The following GMIP variants were observed in gnomAD, a reference collection of about 807,000 sequenced individuals.
The protein encoded by GMIP is GEM interacting protein, also known as GEM-interacting protein.
GMIP carries 54 observed loss-of-function variants against 105.3 expected under a neutral mutation model. The observed-to-expected ratio is 0.51, with a 90% CI of 0.41 to 0.64. The LOEUF (loss-of-function observed/expected upper bound fraction) is 0.64, where lower values mean the gene tolerates loss of function less well. Among genes scored for constraint, GMIP ranks in the 30% least tolerant of loss-of-function variants. The pLI is 0.00. For missense variants in GMIP, 1,110 were observed against 1,319.4 expected, an observed-to-expected ratio of 0.84 and a Z score of 2.46; for synonymous variants, 541 against 560.8, an observed-to-expected ratio of 0.96 and a Z score of 0.50.
chr19:19,642,863 G>A (rs1256009813), intron 1 of GMIP, among the ~76,000 whole-genome samples: 2 of 152,040 alleles, frequency 1.3e-5, no homozygotes, highest in Non-Finnish European at 2.9e-5. Flanking sequence ...GCACCCAGAA[G>A]CAAACCAACA....
At position 19,638,429 on chromosome 19, in the gene GMIP, C is replaced by G; in HGVS notation, c.591G>C (p.Glu197Asp). ...EIEKWRKEFK[E>D]QWMKEQKRMN... ...TCCGCTTCTGCTCCTTCATCCACTG[C>G]TCCTTGAACTCCTTCCGCCACTTCT... The change falls in exon 8 of 21, where the codon GAG (glutamate) becomes GAC (aspartate). Residue 197 changes from glutamate to aspartate, a missense_variant. This residue lies in a region of GMIP where 667 missense variants were observed against 773.2 expected (regional missense o/e 0.86). Coordinates refer to ENST00000203556, the MANE Select transcript of GMIP (RefSeq NM_016573.4). 3 of 1,614,178 alleles carry G rather than the reference C, an allele frequency of 1.9e-6. No homozygotes were observed. Among genetic ancestry groups the G allele is most frequent in the Admixed American group, 1.7e-5 (1 of 60,024 alleles).
At position 19,640,524 on chromosome 19, in the gene GMIP, C is replaced by T. The variant is rs533197570; in HGVS notation, c.286G>A (p.Ala96Thr). 49 of 1,613,848 alleles carry T rather than the reference C, an allele frequency of 3.0e-5. No homozygotes were observed. Among genetic ancestry groups the T allele is most frequent in the South Asian group, 4.4e-5 (4 of 91,072 alleles). ...RLIRTKGGVD[A>T]ALEYAKTWSR... ...CAGGTCTTGGCATATTCCAGGGCTGCGTCCACACCCCCCTTTGTCCGAATG... is the reference window on the plus strand; with the variant it reads ...CAGGTCTTGGCATATTCCAGGGCTGTGTCCACACCCCCCTTTGTCCGAATG... Residue 96 changes from alanine to threonine, a missense_variant, in exon 5 of 21, where the codon GCA becomes ACA. Coordinates refer to ENST00000203556, the MANE Select transcript of GMIP (RefSeq NM_016573.4).
rs1305030966 is a variant in GMIP, at chr19:19,634,175, A to AC, written c.2099_2100insG (p.Phe700LeufsTer62). The stretch of plus-strand genomic sequence containing the variant: ...TGTTGGCAGACATCTTGTTTTCCAT[A>AC]AATCGTGCAGCCACCCTGGGGATGG... On this transcript the variant is annotated frameshift_variant, in exon 19 of 21. Coordinates refer to ENST00000203556, the MANE Select transcript of GMIP (RefSeq NM_016573.4). LOFTEE classifies it high-confidence loss of function. This position sits in a 1 kb window ranked among gnomAD's most constrained non-coding sequence, Gnocchi z 6.1. The AC allele has an allele frequency of 6.2e-7, 1 of 1,600,002 alleles. No homozygotes were observed. The highest frequency in any genetic ancestry group is 2.2e-5 in the East Asian group (1 of 44,542).
intron 2 of GMIP, 129 bp downstream of exon 2, chr19:19,642,406 A>G: frequency 1.5e-6 from 1 of 680,482 alleles, no homozygotes; most frequent in Non-Finnish European, 2.7e-6. Context: ...GTCCCATCCT[A>G]GACTTCTCTG....
Position 19,640,525 on chromosome 19 carries a change from G to A in GMIP, c.285C>T (p.Asp95=), listed in dbSNP as rs750061815. The A allele has an allele frequency of 1.3e-5, 21 of 1,613,770 alleles. No homozygotes were observed. Among genetic ancestry groups the A allele is most frequent in the African/African-American group, 4.0e-5 (3 of 74,834 alleles). The part of the protein sequence containing the change: ...LRLIRTKGGV[D]AALEYAKTWS... ...AGGTCTTGGCATATTCCAGGGCTGC[G>A]TCCACACCCCCCTTTGTCCGAATGA... Residue 95 remains aspartate (D), a synonymous_variant, in exon 5 of 21, where the codon GAC becomes GAT. Coordinates refer to ENST00000203556, the MANE Select transcript of GMIP (RefSeq NM_016573.4).
chr19:19,633,059 CTTTT>C (rs34310969), intron 19 of GMIP, among the ~76,000 whole-genome samples: 2 of 139,940 alleles, frequency 1.4e-5, no homozygotes, highest in African/African-American at 2.6e-5. Context: ...TCTTACTCCA[CTTTT>C]TTTTTTTTTT....
rs1452053574 is a variant in GMIP, at chr19:19,635,194, T to A, written c.1580A>T (p.Lys527Met). The A allele has an allele frequency of 6.2e-7, 1 of 1,612,560 alleles. No homozygotes were observed. Among genetic ancestry groups the A allele is most frequent in the Non-Finnish European group, 8.5e-7 (1 of 1,179,374 alleles). ...GATCAGGAGAGTCTCCAGGCAGCGC[T>A]TGTGGCAGGTCAGAAAGCACTGTGG... ...ECEECFLTCH[K>M]RCLETLLILC... The change falls in exon 16 of 21, where the codon AAG (lysine) becomes ATG (methionine). Residue 527 changes from lysine to methionine, a missense_variant. Transcript: ENST00000203556. This position sits in a 1 kb window ranked among gnomAD's most constrained non-coding sequence, Gnocchi z 4.7.
chr19:19,631,568 G>T (rs1024511975), intron 19 of GMIP, among the ~76,000 whole-genome samples: 34 of 152,228 alleles, frequency 2.2e-4, no homozygotes, highest in African/African-American at 8.0e-4. Context: ...AATGGCAGAT[G>T]CAGCAAGATA....
At position 19,643,646 on chromosome 19, in the gene GMIP, G is replaced by C. The variant is rs972907517; in HGVS notation, c.-117C>G. ...GCCGCCGCCGCCTCGGTTCCGCGTC[G>C]CCCTGCCCAGCGGAGGCCACGCCCC... On this transcript the variant is annotated 5_prime_UTR_variant, in exon 1 of 21. Transcript: ENST00000203556. The C allele has an allele frequency of 2.3e-6, 2 of 861,240 alleles. No homozygotes were observed. The highest frequency in any genetic ancestry group is 6.1e-5 in the East Asian group (2 of 32,876). 53.3% of individuals were successfully genotyped at this position (861,240 alleles called of 1,614,324 possible). A position where few individuals can be genotyped will look rare whatever the true frequency, so the allele number is the denominator to read the frequency against.
intron 1 of GMIP, chr19:19,643,275 C>G (rs372992130): frequency 4.4e-5 from 21 of 477,168 alleles, no homozygotes; most frequent in African/African-American, 3.6e-4. Flanking sequence ...CTTCCCCTTC[C>G]TGGGCCCCCT....
At position 19,640,080 on chromosome 19, in the gene GMIP, C is replaced by A. The variant is rs768418087; in HGVS notation, c.537+5G>T. On this transcript the variant is annotated splice_donor_5th_base_variant and intron_variant, in intron 7 of 20. Coordinates refer to ENST00000203556, the MANE Select transcript of GMIP (RefSeq NM_016573.4). ...CTCTGTAACATTCCACCCTGCCCCC[C>A]TCACCTGGTAGTAGTCTCTTTTCTG... 4 of 1,554,384 alleles carry A rather than the reference C, an allele frequency of 2.6e-6. No individual in the cohort carries two copies. Among genetic ancestry groups the A allele is most frequent in the Non-Finnish European group, 2.7e-6 (3 of 1,125,854 alleles).
chr19:19,630,608 A>C lies in GMIP; in HGVS notation c.2473-71T>G. On this transcript the variant is annotated intron_variant, in intron 19 of 20. Coordinates refer to ENST00000203556, the MANE Select transcript of GMIP (RefSeq NM_016573.4). The surrounding 1 kb of genome is among the most constrained non-coding windows in gnomAD (Gnocchi z 4.8). Reference sequence around the variant, plus strand: ...GTTCTTTGAGATTCCTGGAGAGCCAAGGGCTTGTTCCTGGACATGCAAAAG... The same window carrying C: ...GTTCTTTGAGATTCCTGGAGAGCCACGGGCTTGTTCCTGGACATGCAAAAG... 7.4e-7 allele frequency: 1 copy of C among 1,359,888 alleles called. No individual in the cohort carries two copies. The allele number at this position is 1,359,888 out of a possible 1,614,324, so 84.2% of individuals were successfully genotyped here. A position where few individuals can be genotyped will look rare whatever the true frequency, so the allele number is the denominator to read the frequency against.
chr19:19,643,534 G>A lies in GMIP; in HGVS notation c.-5C>T. The A allele has an allele frequency of 6.5e-7, 1 of 1,547,480 alleles. No individual in the cohort carries two copies. The highest frequency in any genetic ancestry group is 8.7e-7 in the Non-Finnish European group (1 of 1,145,198). The stretch of plus-strand genomic sequence containing the variant: ...ACCCGGCTCTGCTGCGTCCATATCT[G>A]GGCCCGGGGATCGCTCTGCAGGGAC... On this transcript the variant is annotated 5_prime_UTR_variant, in exon 1 of 21. Coordinates refer to ENST00000203556, the MANE Select transcript of GMIP (RefSeq NM_016573.4).
chr19:19,638,568 G>C (rs894613354), intron 7 of GMIP, 86 bp from the exon 8 acceptor site: 6 of 1,119,138 alleles, frequency 5.4e-6, no homozygotes, highest in Non-Finnish European at 6.6e-6. Flanking sequence ...CCTGCGCCAT[G>C]TGCTTTGCCA....
intron 19 of GMIP, among the ~76,000 whole-genome samples, chr19:19,631,393 C>G (rs749110972): frequency 4.6e-5 from 7 of 152,172 alleles, no homozygotes; most frequent in Non-Finnish European, 1.0e-4. Context: ...TCTCTGCAAC[C>G]TTACCAACTT....
At chr19:19,639,132 C>T (rs2061890775) in intron 7 of GMIP, among the ~76,000 whole-genome samples, 1 of 151,808 alleles carries the variant, frequency 6.6e-6, no homozygotes, top group African/African-American at 2.4e-5. Context: ...ACAGGGATCT[C>T]ACTATGTTGC....
rs1465259527 is a variant in GMIP at position 19,638,190 on chromosome 19, C to T, written c.758G>A (p.Arg253Gln). ...SPGPSKQQER[R>Q]RRSREEAQAK... The stretch of plus-strand genomic sequence containing the variant: ...CTGGGCCTCCTCTCGCGAGCGCCGC[C>T]GCCGCTCCTGCTGCTTGCTAGGTCC... The change falls in exon 9 of 21, where the codon CGG becomes CAG. Residue 253 changes from arginine to glutamine, a missense_variant. Around this residue, in one of 3 missense-constraint regions of GMIP, gnomAD observed 667 missense variants for 773.2 expected, o/e 0.86. Transcript: ENST00000203556. The T allele has an allele frequency of 1.9e-6, 3 of 1,591,778 alleles. No homozygotes were observed. The highest frequency in any genetic ancestry group is 2.6e-6 in the Non-Finnish European group (3 of 1,176,408).
chr19:19,638,617 T>G, intron 7 of GMIP, 135 bp from the exon 8 acceptor site: 1 of 678,108 alleles, frequency 1.5e-6, no homozygotes, highest in Non-Finnish European at 2.5e-6. Context: ...AGACGGAGTT[T>G]TGCTCTTGTT....
In GMIP at chr19:19,634,603, G is replaced by A; in HGVS notation, c.1988C>T (p.Pro663Leu). 2 of 1,613,714 alleles carry A rather than the reference G, an allele frequency of 1.2e-6. No individual in the cohort carries two copies. The highest frequency in any genetic ancestry group is 1.1e-5 in the South Asian group (1 of 91,068). The change falls in exon 18 of 21, where the codon CCC (proline) becomes CTC (leucine). Residue 663 changes from proline (P) to leucine (L), a missense_variant. Physicochemically the swap from Pro to Leu is moderately conservative, Grantham distance 98. Coordinates refer to ENST00000203556, the MANE Select transcript of GMIP (RefSeq NM_016573.4). This position sits in a 1 kb window ranked among gnomAD's most constrained non-coding sequence, Gnocchi z 6.1. ...CAGCGAGCGGATAACCTCAGGGCTG[G>A]GGCTGGGGGTCCCAGGGTCGTCCCC... The part of the protein sequence containing the change: ...DPGDDPGTPS[P>L]SPEVIRSLKT...
Sources: gnomAD v4.1 joint callset for allele counts (sites outside exome capture counted in the v4.1 genomes callset) on GRCh38, gnomAD v4.1.1 for gene constraint, gnomAD v4.1.1 regional missense constraint, Gnocchi (gnomAD v3.1) non-coding constraint, MANE v1.5 for transcripts, NCBI Gene and HGNC (gene_info 2026-07-23, HGNC 2026-07-21) for gene names.